ADGRG6: variants seen among roughly 807,000 people sequenced by gnomAD.
ADGRG6 encodes G-protein coupled receptor 126.
Under a neutral mutation model 142.4 loss-of-function variants are expected in ADGRG6, and 84 were observed. The ratio of observed to expected loss-of-function variants is 0.59; its 90% CI spans 0.49 to 0.71. The LOEUF (loss-of-function observed/expected upper bound fraction) is 0.71. Ranked by LOEUF, ADGRG6 falls within the 30% of genes least tolerant of loss-of-function variation. ADGRG6 has a pLI of 0.00. For missense variants in ADGRG6, 1,367 were observed against 1,466.6 expected (o/e 0.93, Z 1.11); for synonymous variants, 521 against 520.5 (o/e 1.00, Z -0.01).
intron 4 of ADGRG6, among the ~76,000 whole-genome samples, chr6:142,373,351 A>C (rs950042149): frequency 1.3e-4 from 19 of 142,198 alleles, no homozygotes; most frequent in Non-Finnish European, 1.2e-4. Context: ...TCTGTGAGAA[A>C]ACACTAGGTT....
In ADGRG6 at chr6:142,444,623, T is replaced by A. The variant is rs781690344; in HGVS notation, c.*1108T>A. 1 of 152,206 alleles carries A rather than the reference T, an allele frequency of 6.6e-6. No individual in the cohort carries two copies. The highest frequency in any genetic ancestry group is 1.5e-5 in the Non-Finnish European group (1 of 68,032). The allele number at this position is 152,206 out of a possible 1,614,324, so 9.4% of individuals were successfully genotyped here. A position where few individuals can be genotyped will look rare whatever the true frequency, so the allele number is the denominator to read the frequency against. The stretch of plus-strand genomic sequence containing the variant: ...AAAAACTACTTGTGTGTCAGTCCTC[T>A]GGTTATAGTATATAAGAGCCTGAGG... On this transcript the variant is annotated 3_prime_UTR_variant, in exon 25 of 25. Coordinates refer to ENST00000367609, the MANE Select transcript of ADGRG6 (RefSeq NM_198569.3).
intron 6 of ADGRG6, among the ~76,000 whole-genome samples, chr6:142,388,342 A>C (rs530202485): frequency 6.6e-6 from 1 of 152,244 alleles, no homozygotes; most frequent in East Asian, 1.9e-4. Flanking sequence ...GATTTTTAGA[A>C]TTTTGCAATA....
At chr6:142,396,364 A>T (rs797006766) in intron 9 of ADGRG6, among the ~76,000 whole-genome samples, 50 of 152,298 alleles carry the variant, frequency 3.3e-4, no homozygotes, top group African/African-American at 1.2e-3. Flanking sequence ...TAAGCAGTAG[A>T]TCATTTTAGA....
At position 142,416,050 on chromosome 6, in the gene ADGRG6, G is replaced by T; in HGVS notation, c.2924G>T (p.Cys975Phe). 6.2e-7 allele frequency: 1 copy of T among 1,611,574 alleles called. No homozygotes were observed. ...ATTCGCCGATACATTCTAAAATTCT[G>T]CATCATTGGCTGGGGTAAGCCTCTT... Reference protein sequence around the residue: ...TYIRRYILKFCIIGWGLPALV... With the variant: ...TYIRRYILKFFIIGWGLPALV... The change falls in exon 20 of 25, where the codon TGC becomes TTC. Residue 975 changes from cysteine (C) to phenylalanine (F), a missense_variant. Transcript: ENST00000367609.
At chr6:142,425,264 G>T (rs1776883592) in intron 22 of ADGRG6, among the ~76,000 whole-genome samples, 2 of 152,186 alleles carry the variant, frequency 1.3e-5, no homozygotes, top group Admixed American at 6.5e-5. Context: ...AGGGTCTGTA[G>T]GGCGAGCAGG....
intron 2 of ADGRG6, among the ~76,000 whole-genome samples, chr6:142,318,264 A>AT (rs1778314613): frequency 1.7e-5 from 1 of 57,624 alleles, no homozygotes; most frequent in African/African-American, 8.7e-5. Flanking sequence ...TATATTTATT[A>AT]TATATATTTA....
chr6:142,409,001 A>G (rs1003987741), intron 16 of ADGRG6, among the ~76,000 whole-genome samples: 3 of 152,152 alleles, frequency 2.0e-5, no homozygotes, highest in African/African-American at 7.2e-5. Flanking sequence ...CTTCATTCAT[A>G]AAGGACGATT....
chr6:142,418,660 T>G (rs1431880789), intron 21 of ADGRG6, among the ~76,000 whole-genome samples: 1 of 152,170 alleles, frequency 6.6e-6, no homozygotes, highest in Non-Finnish European at 1.5e-5. Flanking sequence ...GGACATTTCA[T>G]TTATTGATAA....
chr6:142,416,093 G>GT, intron 20 of ADGRG6, 29 bp downstream of exon 20: 1 of 1,554,500 alleles, frequency 6.4e-7, no homozygotes. Flanking sequence ...TTTTGGTTTT[G>GT]TTTTTCCCTC....
chr6:142,313,729 G>A (rs1350806286), intron 2 of ADGRG6, among the ~76,000 whole-genome samples: 1 of 152,254 alleles, frequency 6.6e-6, no homozygotes, highest in Middle Eastern at 3.4e-3. Context: ...AAAATGAACA[G>A]TTATTTAGTA....
intron 18 of ADGRG6, 130 bp downstream of exon 18, chr6:142,411,541 C>A (rs1776089474): frequency 3.5e-6 from 2 of 577,988 alleles, no homozygotes; most frequent in Admixed American, 2.7e-5. Flanking sequence ...TACCGTGAAT[C>A]TTAATTCTTA....
At chr6:142,371,470 T>C (rs556350418) in intron 4 of ADGRG6, among the ~76,000 whole-genome samples, 1 of 146,132 alleles carries the variant, frequency 6.8e-6, no homozygotes, top group East Asian at 2.0e-4. Flanking sequence ...CCTGGCCAGT[T>C]ACTGTTTTTT....
chr6:142,337,626 G>C (rs1349799741), intron 2 of ADGRG6, among the ~76,000 whole-genome samples: 1 of 152,070 alleles, frequency 6.6e-6, no homozygotes, highest in Non-Finnish European at 1.5e-5. Flanking sequence ...TGGGGCAGCT[G>C]CCTACCCAAG....
intron 1 of ADGRG6, among the ~76,000 whole-genome samples, chr6:142,307,498 C>A (rs1003910977): frequency 1.3e-5 from 2 of 151,960 alleles, no homozygotes. Context: ...AGTGAACTTT[C>A]TATGGGACGG....
At chr6:142,305,187 A>G (rs1315891354) in intron 1 of ADGRG6, among the ~76,000 whole-genome samples, 1 of 152,318 alleles carries the variant, frequency 6.6e-6, no homozygotes, top group South Asian at 2.1e-4. Context: ...GATTAAAGCA[A>G]TAATACTCAA....
chr6:142,343,827 A>C (rs1779772303), intron 2 of ADGRG6, among the ~76,000 whole-genome samples: 1 of 151,954 alleles, frequency 6.6e-6, no homozygotes, highest in African/African-American at 2.4e-5. Context: ...ATTATCTGGC[A>C]GAAGAAAAAA....
chr6:142,386,710 C>T (rs185556862), intron 6 of ADGRG6, among the ~76,000 whole-genome samples: 1 of 152,124 alleles, frequency 6.6e-6, no homozygotes, highest in Non-Finnish European at 1.5e-5. Context: ...AATTTGTAGC[C>T]ATTCATTCAT....
intron 2 of ADGRG6, among the ~76,000 whole-genome samples, chr6:142,338,013 C>CTTTTTTTTTTTTTTTTTT (rs1779405902): frequency 2.3e-4 from 6 of 26,044 alleles, no homozygotes; most frequent in Admixed American, 9.4e-4. Flanking sequence ...TGCCTTGTAT[C>CTTTTTTTTTTTTTTTTTT]TTTGTTTTTT....
Position 142,309,645 on chromosome 6 carries a change from G to C in ADGRG6, c.103+1G>C. ...TATATCATGTGTGTTCCTCACTCAG[G>C]TAAGACTCTTCCTCTTTCACACCTG... is the stretch of plus-strand genomic sequence containing the variant. On this transcript the variant is annotated splice_donor_variant, in intron 2 of 24. Transcript: ENST00000367609. LOFTEE classifies it high-confidence loss of function. 1 of 1,563,152 alleles carries C rather than the reference G, an allele frequency of 6.4e-7. No homozygotes were observed. Among genetic ancestry groups the C allele is most frequent in the Non-Finnish European group, 8.8e-7 (1 of 1,142,062 alleles).
Sources: gnomAD v4.1 joint callset for allele counts (sites outside exome capture counted in the v4.1 genomes callset) on GRCh38, gnomAD v4.1.1 for gene constraint, MANE v1.5 for transcripts, NCBI Gene and HGNC (gene_info 2026-07-23, HGNC 2026-07-21) for gene names.